ACAD10: variants seen among roughly 807,000 people sequenced by gnomAD.
The protein encoded by ACAD10 is acyl-CoA dehydrogenase family member 10.
A neutral mutation model predicts 116.8 loss-of-function variants in ACAD10; 112 were observed. The ratio of observed to expected loss-of-function variants is 0.96; its 90% CI spans 0.82 to 1.12. The LOEUF (loss-of-function observed/expected upper bound fraction) is 1.12, where lower values mean the gene tolerates loss of function less well. ACAD10 is among the 50% of genes most tolerant of loss of function. The probability of loss-of-function intolerance (pLI) is 0.00; values close to 1 mark genes in which losing one functional copy is unlikely to be tolerated. For synonymous variants in ACAD10, 486 were observed against 510.6 expected (o/e 0.95, Z 0.65); for missense variants, 1,259 against 1,350.2 (o/e 0.93, Z 1.06).
intron 8 of ACAD10, among the ~76,000 whole-genome samples, chr12:111,723,147 A>AC (rs1185118693): frequency 1.0e-4 from 9 of 89,854 alleles, no homozygotes; most frequent in African/African-American, 3.5e-4. Flanking sequence ...CGGGGGGCTG[A>AC]CCCCCCCACC....
chr12:111,693,166 A>C, intron 2 of ACAD10: 1 of 457,272 alleles, frequency 2.2e-6, no homozygotes, highest in Non-Finnish European at 4.0e-6. Flanking sequence ...CGTGGGAAGC[A>C]CTTGCTTAGC....
intron 11 of ACAD10, among the ~76,000 whole-genome samples, chr12:111,736,225 C>G (rs1467587897): frequency 1.5e-5 from 2 of 129,388 alleles, no homozygotes; most frequent in Non-Finnish European, 3.1e-5. Context: ...CTTGCTCTGT[C>G]ACCCAGGCTG....
chr12:111,755,125 CAG>C (rs1169967669), intron 19 of ACAD10, among the ~76,000 whole-genome samples: 1 of 152,112 alleles, frequency 6.6e-6, no homozygotes, highest in Admixed American at 6.5e-5. Flanking sequence ...TTTTGAGAGA[CAG>C]AGTCTCACTC....
chr12:111,709,852 G>C (rs1593024533), intron 5 of ACAD10, 168 bp downstream of exon 5: 2 of 776,070 alleles, frequency 2.6e-6, no homozygotes, highest in East Asian at 3.0e-5. Context: ...CTAGCTGCTT[G>C]TATTTTCAAT....
In ACAD10 at chr12:111,747,063, T is replaced by G. The variant is rs763973293; in HGVS notation, c.2271T>G (p.Ser757=). Residue 757 remains serine, a synonymous_variant, in exon 15 of 21, where the codon TCT becomes TCG. Coordinates refer to ENST00000313698, the MANE Select transcript of ACAD10 (RefSeq NM_025247.6). The part of the protein sequence containing the change: ...SLYAPEVCNC[S]APDTGNMELL... ...TTCCTTCTCAGGTATGTAACTGCTC[T>G]GCGCCTGACACGGGCAACATGGAGC... is the stretch of plus-strand genomic sequence containing the variant. The G allele has an allele frequency of 1.9e-6, 3 of 1,605,906 alleles. No individual in the cohort carries two copies. Among genetic ancestry groups the G allele is most frequent in the Non-Finnish European group, 2.6e-6 (3 of 1,175,266 alleles).
rs780281277 is a variant in ACAD10 at position 111,715,823 on chromosome 12, C to T, written c.853C>T (p.Pro285Ser). Residue 285 changes from proline (P) to serine (S), a missense_variant and splice_region_variant, in exon 7 of 21, where the codon CCA becomes TCA. Physicochemically the swap from Pro to Ser is moderately conservative, Grantham distance 74. Coordinates refer to ENST00000313698, the MANE Select transcript of ACAD10 (RefSeq NM_025247.6). ...TTTCTTTGTTTTCAAACTTGCAGGC[C>T]CATTGGAACTACTTCAGTTTGATCA... ...KDLLGIQTTG[P>S]LELLQFDHGQ... is the part of the protein sequence containing the mutation. 7 of 1,613,982 alleles carry T rather than the reference C, an allele frequency of 4.3e-6. No homozygotes were observed. The highest frequency in any genetic ancestry group is 5.9e-6 in the Non-Finnish European group (7 of 1,180,044).
intron 8 of ACAD10, among the ~76,000 whole-genome samples, chr12:111,727,727 G>A (rs934062750): frequency 3.3e-5 from 5 of 152,066 alleles, no homozygotes; most frequent in Non-Finnish European, 7.4e-5. Flanking sequence ...GTGTGTGCAC[G>A]TGTGTATGTA....
chr12:111,706,331 G>A (rs1043733774), intron 4 of ACAD10, among the ~76,000 whole-genome samples: 1 of 152,134 alleles, frequency 6.6e-6, no homozygotes, highest in Non-Finnish European at 1.5e-5. Context: ...TGCCTTCCTC[G>A]GCCTGATTTA....
In ACAD10 at chr12:111,709,515, C is replaced by T. The variant is rs1330125920; in HGVS notation, c.532-11C>T. On this transcript the variant is annotated splice_polypyrimidine_tract_variant and intron_variant, in intron 4 of 20. Coordinates refer to ENST00000313698, the MANE Select transcript of ACAD10 (RefSeq NM_025247.6). ...CGGGACATTCATCTCTCATTCCTGT[C>T]CCTCCATCAGATTGTGGAGTCCTGC... The T allele has an allele frequency of 6.5e-7, 1 of 1,546,776 alleles. No homozygotes were observed. The highest frequency in any genetic ancestry group is 8.7e-7 in the Non-Finnish European group (1 of 1,148,438).
intron 8 of ACAD10, among the ~76,000 whole-genome samples, chr12:111,722,877 G>T (rs557122677): frequency 6.6e-6 from 1 of 152,076 alleles, no homozygotes; most frequent in Non-Finnish European, 1.5e-5. Context: ...TGTCATCCTG[G>T]CCCGTTCTCA....
At chr12:111,723,057 G>T (rs1889071344) in intron 8 of ACAD10, among the ~76,000 whole-genome samples, 2 of 147,880 alleles carry the variant, frequency 1.4e-5, no homozygotes. Flanking sequence ...CGGCTGGCCG[G>T]GCAGAGGGGC....
intron 19 of ACAD10, among the ~76,000 whole-genome samples, chr12:111,754,736 T>C (rs1212755061): frequency 1.3e-5 from 2 of 152,222 alleles, no homozygotes. Context: ...GTAGCTCGGT[T>C]TCCCAGAGCC....
Position 111,715,828 on chromosome 12 carries a change from G to A in ACAD10, c.858G>A (p.Leu286=), listed in dbSNP as rs781631804. ...TTGTTTTCAAACTTGCAGGCCCATTGGAACTACTTCAGTTTGATCACGGGC... is the reference window on the plus strand; with the variant it reads ...TTGTTTTCAAACTTGCAGGCCCATTAGAACTACTTCAGTTTGATCACGGGC... ...DLLGIQTTGP[L]ELLQFDHGQS... is the part of the protein sequence containing the mutation. The change falls in exon 7 of 21, where the codon TTG becomes TTA. Residue 286 remains leucine, a synonymous_variant. Coordinates refer to ENST00000313698, the MANE Select transcript of ACAD10 (RefSeq NM_025247.6). 6.2e-7 allele frequency: 1 copy of A among 1,614,170 alleles called. No homozygotes were observed. The highest frequency in any genetic ancestry group is 8.5e-7 in the Non-Finnish European group (1 of 1,180,020).
chr12:111,746,796 T>A (rs1002142067), intron 14 of ACAD10, among the ~76,000 whole-genome samples: 1 of 151,958 alleles, frequency 6.6e-6, no homozygotes, highest in Non-Finnish European at 1.5e-5. Context: ...AGGCCAGGAG[T>A]TCGACACCAG....
chr12:111,747,807 G>A (rs531946015), intron 16 of ACAD10: 1 of 998,266 alleles, frequency 1.0e-6, no homozygotes, highest in East Asian at 9.1e-5. Flanking sequence ...CCTACAAGTA[G>A]CCGTGGAGCT....
At chr12:111,692,647 GT>G in intron 1 of ACAD10, 49 bp from the exon 2 acceptor site, 1 of 1,560,896 alleles carries the variant, frequency 6.4e-7, no homozygotes, top group South Asian at 1.2e-5. Context: ...TGGAGGCCTG[GT>G]TGGGAGGCAG....
In ACAD10 at chr12:111,712,595, T is replaced by C. The variant is rs377588715; in HGVS notation, c.788T>C (p.Met263Thr). 34 of 1,614,038 alleles carry C rather than the reference T, an allele frequency of 2.1e-5. No homozygotes were observed. Among genetic ancestry groups the C allele is most frequent in the Non-Finnish European group, 2.9e-5 (34 of 1,180,022 alleles). The change falls in exon 6 of 21, where the codon ATG becomes ACG. Residue 263 changes from methionine to threonine, a missense_variant. Transcript: ENST00000313698. ...AACACTCGGCCTGTGAAAAAGACGA[T>C]GGAAATTCCGAAAGATTCCTTGCAG... Reference protein sequence around the residue: ...VPNTRPVKKTMEIPKDSLQKY... With the variant: ...VPNTRPVKKTTEIPKDSLQKY...
At chr12:111,733,678 G>T in intron 10 of ACAD10, 1 of 539,810 alleles carries the variant, frequency 1.9e-6, no homozygotes, top group Non-Finnish European at 3.3e-6. Context: ...GAAGGCTGCA[G>T]AGAAGGAGCT....
At chr12:111,690,649 G>C (rs1888011374) in intron 1 of ACAD10, 1 of 152,040 alleles carries the variant, frequency 6.6e-6, no homozygotes, top group Non-Finnish European at 1.5e-5. Context: ...GCCAGGTATG[G>C]TGGTGCGTAC....
Sources: allele counts gnomAD v4.1 joint callset (sites outside exome capture counted in the v4.1 genomes callset), GRCh38; gene constraint gnomAD v4.1.1; transcripts MANE v1.5; gene names NCBI Gene and HGNC (gene_info 2026-07-23, HGNC 2026-07-21).